The following PRKD1 variants were observed in gnomAD, a reference collection of about 807,000 sequenced individuals.
The protein encoded by PRKD1 is protein kinase D1, also known as serine/threonine-protein kinase D1.
In PRKD1, 63 loss-of-function variants were observed where a neutral mutation model predicts 95.9. The ratio of observed to expected loss-of-function variants is 0.66; its 90% CI spans 0.54 to 0.81. The LOEUF (loss-of-function observed/expected upper bound fraction) is 0.81. Ranked by LOEUF, PRKD1 falls within the 30% of genes least tolerant of loss-of-function variation. PRKD1 has a pLI of 0.00. For synonymous variants in PRKD1, 425 were observed against 423.1 expected (o/e 1.00, Z -0.05); for missense variants, 1,048 against 1,165.3 (o/e 0.90, Z 1.47).
At chr14:29,747,828 C>G (rs904982610) in intron 1 of PRKD1, among the ~76,000 whole-genome samples, 15 of 152,182 alleles carry the variant, frequency 9.9e-5, no homozygotes, top group African/African-American at 3.4e-4. Context: ...ACTGCAACCT[C>G]TGTCTCCTGA....
At chr14:29,687,930 T>G (rs538312559) in intron 2 of PRKD1, among the ~76,000 whole-genome samples, 1 of 152,174 alleles carries the variant, frequency 6.6e-6, no homozygotes, top group Non-Finnish European at 1.5e-5. Context: ...AATACTTGTA[T>G]TAGTTTCCTA....
chr14:29,626,466 C>T lies in PRKD1; in HGVS notation c.1798+18G>A, dbSNP rs534908747. ...CAAAAATTTTAAGTTCATAAAAATA[C>T]TCAGTGAGATAACCTACCTCCATAA... is the stretch of plus-strand genomic sequence containing the variant. On this transcript the variant is annotated intron_variant, in intron 12 of 17. Coordinates refer to ENST00000331968, the MANE Select transcript of PRKD1 (RefSeq NM_002742.3). 1.1e-5 allele frequency: 17 copies of T among 1,590,574 alleles called. No homozygotes were observed. The African/African-American group carries it at 1.9e-4, about 18-fold the overall frequency.
At chr14:29,902,066 A>G (rs1359513575) in intron 1 of PRKD1, among the ~76,000 whole-genome samples, 1 of 152,152 alleles carries the variant, frequency 6.6e-6, no homozygotes, top group Non-Finnish European at 1.5e-5. Context: ...GGCTCTAAGC[A>G]TGTCTTGGAG....
chr14:29,776,741 C>T (rs1455114564), intron 1 of PRKD1, among the ~76,000 whole-genome samples: 1 of 152,160 alleles, frequency 6.6e-6, no homozygotes, highest in Non-Finnish European at 1.5e-5. Flanking sequence ...TCCAGGAGAA[C>T]TTCCCCAAAC....
intron 1 of PRKD1, among the ~76,000 whole-genome samples, chr14:29,779,509 C>G (rs1273130446): frequency 6.6e-6 from 1 of 151,830 alleles, no homozygotes; most frequent in African/African-American, 2.4e-5. Context: ...AAACAGAGAG[C>G]CAAATCATGA....
chr14:29,833,771 A>G (rs1031963385), intron 1 of PRKD1, among the ~76,000 whole-genome samples: 1 of 152,114 alleles, frequency 6.6e-6, no homozygotes, highest in African/African-American at 2.4e-5. Flanking sequence ...TTCCTATACA[A>G]TGAAATTGCT....
At chr14:29,830,353 A>C (rs1891353590) in intron 1 of PRKD1, among the ~76,000 whole-genome samples, 1 of 152,194 alleles carries the variant, frequency 6.6e-6, no homozygotes, top group Admixed American at 6.5e-5. Context: ...TTTGCCAAGA[A>C]GACATTCAGA....
At chr14:29,860,224 G>C (rs565273686) in intron 1 of PRKD1, among the ~76,000 whole-genome samples, 1 of 152,210 alleles carries the variant, frequency 6.6e-6, no homozygotes, top group African/African-American at 2.4e-5. Flanking sequence ...TATAAAACAG[G>C]CACCTTGTTT....
Position 29,826,700 on chromosome 14 carries a change from CATATATACACAT to C in PRKD1, c.264+100537_264+100548del, listed in dbSNP as rs74213553. Among the ~76,000 whole-genome samples, 4 of 28,720 alleles carry C rather than the reference CATATATACACAT, an allele frequency of 1.4e-4. 1 individual carries two copies. Among genetic ancestry groups the C allele is most frequent in the Non-Finnish European group, 2.2e-4 (3 of 13,706 alleles). 18.8% of individuals were successfully genotyped at this position (28,720 alleles called of 152,430 possible). On this transcript the variant is annotated intron_variant, in intron 1 of 17. Coordinates refer to ENST00000331968, the MANE Select transcript of PRKD1 (RefSeq NM_002742.3). ...ATATATATATACACACATATATATA[CATATATACACAT>C]ATATATATACATATATATACACATA...
At chr14:29,806,292 T>G (rs1161399806) in intron 1 of PRKD1, among the ~76,000 whole-genome samples, 1 of 152,216 alleles carries the variant, frequency 6.6e-6, no homozygotes, top group Admixed American at 6.5e-5. Flanking sequence ...CTAGCAACTT[T>G]GTGAAAGTGA....
intron 9 of PRKD1, 140 bp from the exon 10 acceptor site, chr14:29,631,161 G>A (rs1389253066): frequency 5.9e-6 from 5 of 845,826 alleles, no homozygotes; most frequent in African/African-American, 5.2e-5. Context: ...ATAAAACACA[G>A]AATACTGCTA....
chr14:29,684,185 C>T (rs1471678639), intron 2 of PRKD1, among the ~76,000 whole-genome samples: 1 of 145,376 alleles, frequency 6.9e-6, no homozygotes, highest in Admixed American at 7.0e-5. Context: ...GAGTCTCACT[C>T]TATCGCCCAG....
chr14:29,786,473 G>A (rs1280316229), intron 1 of PRKD1, among the ~76,000 whole-genome samples: 2 of 152,098 alleles, frequency 1.3e-5, no homozygotes, highest in Admixed American at 6.6e-5. Context: ...CAGGTACTGA[G>A]CTTTTCTTTG....
intron 1 of PRKD1, among the ~76,000 whole-genome samples, chr14:29,829,938 TA>T (rs879606087): frequency 8.3e-4 from 127 of 152,184 alleles, no homozygotes; most frequent in Non-Finnish European, 1.7e-3. Context: ...GCTTTTGTAA[TA>T]AAAAAATATT....
At chr14:29,638,418 T>G in intron 6 of PRKD1, 71 bp downstream of exon 6, 2 of 1,553,700 alleles carry the variant, frequency 1.3e-6, no homozygotes, top group Non-Finnish European at 8.8e-7. Context: ...CCAAAAACCC[T>G]GACTAAAATT....
chr14:29,826,698 TAC>T lies in PRKD1; in HGVS notation c.264+100549_264+100550del, dbSNP rs1555348486. Among the ~76,000 whole-genome samples, 8 of 42,520 alleles carry T rather than the reference TAC, an allele frequency of 1.9e-4. No homozygotes were observed. In the Admixed American group the frequency reaches 2.2e-3, roughly 12 times the overall value. 27.9% of individuals were successfully genotyped at this position (42,520 alleles called of 152,430 possible). A position where few individuals can be genotyped will look rare whatever the true frequency, so the allele number is the denominator to read the frequency against. ...GTATATATATATACACACATATATA[TAC>T]ATATATACACATATATATATACATA... is the stretch of plus-strand genomic sequence containing the variant. On this transcript the variant is annotated intron_variant, in intron 1 of 17. Transcript: ENST00000331968.
intron 1 of PRKD1, among the ~76,000 whole-genome samples, chr14:29,726,705 A>C (rs1466066801): frequency 6.6e-6 from 1 of 152,208 alleles, no homozygotes; most frequent in East Asian, 1.9e-4. Flanking sequence ...AAATAAATAT[A>C]ATGAGAACAT....
At chr14:29,806,017 G>C (rs1890217417) in intron 1 of PRKD1, among the ~76,000 whole-genome samples, 1 of 152,166 alleles carries the variant, frequency 6.6e-6, no homozygotes, top group Admixed American at 6.5e-5. Context: ...TAGTAGTGGA[G>C]ACATCACCCA....
chr14:29,639,447 C>G (rs1282498066), intron 4 of PRKD1, among the ~76,000 whole-genome samples: 1 of 151,882 alleles, frequency 6.6e-6, no homozygotes, highest in East Asian at 1.9e-4. Flanking sequence ...TGGTGAAACC[C>G]GTCTCTACTA....
Sources: gnomAD v4.1 joint callset for allele counts (sites outside exome capture counted in the v4.1 genomes callset) on GRCh38, gnomAD v4.1.1 for gene constraint, MANE v1.5 for transcripts, NCBI Gene and HGNC (gene_info 2026-07-23, HGNC 2026-07-21) for gene names.